Variants in RPN1 observed in about 807,000 individuals in gnomAD.
RPN1 encodes ribophorin I.
RPN1 carries 12 observed loss-of-function variants against 55.5 expected under a neutral mutation model. The ratio of observed to expected loss-of-function variants is 0.22; its 90% confidence interval spans 0.14 to 0.35. RPN1 has a LOEUF of 0.35. Among genes scored for constraint, RPN1 ranks in the 10% least tolerant of loss-of-function variants. The pLI is 1.00. For missense variants in RPN1, 679 were observed against 761.3 expected (o/e 0.89, Z 1.27); for synonymous variants, 317 against 305.9 (o/e 1.04, Z -0.38).
chr3:128,650,433 C>G (rs1406073431), intron 1 of RPN1, 107 bp downstream of exon 1: 2 of 1,168,870 alleles, frequency 1.7e-6, no homozygotes, highest in Admixed American at 2.9e-5. Flanking sequence ...CCGCCCGGGT[C>G]TCCGCATTTC....
intron 5 of RPN1, among the ~76,000 whole-genome samples, chr3:128,628,490 G>A (rs1161749423): frequency 1.2e-4 from 4 of 32,478 alleles, no homozygotes; most frequent in African/African-American, 2.4e-4. Flanking sequence ...TGTCACCCAG[G>A]CTAAAGGGCA....
rs1355424494 is a variant in RPN1, at chr3:128,635,662, T to TAG, written c.633+2136_633+2137insCT. On this transcript the variant is annotated intron_variant, in intron 3 of 9. Coordinates refer to ENST00000296255, the MANE Select transcript of RPN1 (RefSeq NM_002950.4). ...ATAGATATATATATATATATATATA[T>TAG]ATAGATATCTATAGATATCTATAGA... Among the ~76,000 whole-genome samples the TAG allele has an allele frequency of 5.5e-4, 61 of 110,188 alleles. 1 individual carries two copies. Among genetic ancestry groups the TAG allele is most frequent in the African/African-American group, 1.8e-3 (55 of 30,982 alleles). The allele number at this position is 110,188 out of a possible 152,430, so 72.3% of individuals were successfully genotyped here.
chr3:128,635,561 A>G (rs946895147), intron 3 of RPN1, among the ~76,000 whole-genome samples: 11 of 150,262 alleles, frequency 7.3e-5, no homozygotes, highest in African/African-American at 2.4e-4. Context: ...TCAGCCTCCC[A>G]AAGTGCTGGG....
intron 2 of RPN1, among the ~76,000 whole-genome samples, chr3:128,640,147 G>C (rs2069714456): frequency 6.6e-6 from 1 of 151,970 alleles, no homozygotes; most frequent in Admixed American, 6.6e-5. Context: ...ACTCCAGCCT[G>C]GGTGACGGAG....
At chr3:128,639,737 G>A (rs775818989) in intron 2 of RPN1, among the ~76,000 whole-genome samples, 100 of 151,556 alleles carry the variant, frequency 6.6e-4, no homozygotes, top group Non-Finnish European at 1.1e-3. Context: ...ACAGGCGTCC[G>A]CCACCACGCC....
intron 3 of RPN1, among the ~76,000 whole-genome samples, chr3:128,633,388 A>G (rs2069654985): frequency 6.6e-6 from 1 of 151,920 alleles, no homozygotes; most frequent in African/African-American, 2.4e-5. Context: ...CACCACGCCC[A>G]GCTAATTTTT....
chr3:128,637,854 C>A lies in RPN1; in HGVS notation c.578G>T (p.Arg193Leu), dbSNP rs199634162. 9.7e-5 allele frequency: 156 copies of A among 1,613,902 alleles called. 1 individual carries two copies. The South Asian group carries it at 1.7e-3, about 17-fold the overall frequency. The change falls in exon 3 of 10, where the codon CGC becomes CTC. Residue 193 changes from arginine to leucine, a missense_variant. By Grantham distance (102) the Arg-to-Leu change is moderately radical. Coordinates refer to ENST00000296255, the MANE Select transcript of RPN1 (RefSeq NM_002950.4). Reference protein sequence around the residue: ...ESYTKLGNPTRSEDLLDYGPF... With the variant: ...ESYTKLGNPTLSEDLLDYGPF... Reference sequence around the variant, plus strand: ...CCCATAATCCAGTAGGTCCTCAGAGCGCGTGGGGTTCCCCAGCTTGGTGTA... The same window carrying A: ...CCCATAATCCAGTAGGTCCTCAGAGAGCGTGGGGTTCCCCAGCTTGGTGTA...
chr3:128,649,363 G>A (rs2069796386), intron 1 of RPN1, among the ~76,000 whole-genome samples: 1 of 152,202 alleles, frequency 6.6e-6, no homozygotes, highest in African/African-American at 2.4e-5. Flanking sequence ...CTTCTATAAA[G>A]AACGGGATTT....
At chr3:128,637,178 C>T (rs1278511039) in intron 3 of RPN1, among the ~76,000 whole-genome samples, 1 of 151,924 alleles carries the variant, frequency 6.6e-6, no homozygotes, top group Non-Finnish European at 1.5e-5. Flanking sequence ...TTTGAGGTTA[C>T]AGTGAGCTAT....
intron 3 of RPN1, among the ~76,000 whole-genome samples, chr3:128,636,078 T>C (rs935213828): frequency 1.3e-5 from 2 of 152,120 alleles, no homozygotes. Flanking sequence ...TGTTTTCATA[T>C]TCAAAAAATT....
chr3:128,627,195 G>A (rs896101055), intron 5 of RPN1: 4 of 279,608 alleles, frequency 1.4e-5, no homozygotes, highest in African/African-American at 8.6e-5. Context: ...CTGAAACTCG[G>A]AGCAGTTGTG....
chr3:128,635,359 T>C (rs1265751750), intron 3 of RPN1, among the ~76,000 whole-genome samples: 10 of 151,738 alleles, frequency 6.6e-5, no homozygotes, highest in Admixed American at 5.9e-4. Flanking sequence ...TGGAGTGCAG[T>C]GGCACAACCT....
At chr3:128,624,740 G>A (rs922585494) in intron 8 of RPN1, among the ~76,000 whole-genome samples, 12 of 151,912 alleles carry the variant, frequency 7.9e-5, no homozygotes, top group African/African-American at 2.9e-4. Flanking sequence ...ACAGGAGGCT[G>A]AGGCAGAATC....
In RPN1 at chr3:128,625,575, T is replaced by C; in HGVS notation, c.1354A>G (p.Thr452Ala). The C allele has an allele frequency of 6.2e-7, 1 of 1,613,630 alleles. No homozygotes were observed. Residue 452 changes from threonine (T) to alanine (A), a missense_variant, in exon 8 of 10, where the codon ACC becomes GCC. This residue lies in a region of RPN1 where 306 missense variants were observed against 360.0 expected (regional missense o/e 0.85). Transcript: ENST00000296255. ...TCCAGCCGAACATAGATGATAACGG[T>C]GAAGAACAGGATGTAGAAGGCCGCC... The part of the protein sequence containing the change: ...VVAAFYILFF[T>A]VIIYVRLDFS...
At chr3:128,635,690 T>TAC (rs71153135) in intron 3 of RPN1, among the ~76,000 whole-genome samples, 1,560 of 138,212 alleles carry the variant, frequency 0.011, 21 homozygotes, top group Admixed American at 0.028. Context: ...TCTATAGATA[T>TAC]ACACACACAC....
Position 128,644,949 on chromosome 3 carries a change from T to A in RPN1, c.296A>T (p.Glu99Val). ...ACCCTTAATTTTGGTTTCACGTACT[T>A]CCAAATTGTTCTCTTCCTCATCTTC... is the stretch of plus-strand genomic sequence containing the variant. Reference protein sequence around the residue: ...KGEDEEENNLEVRETKIKGKS... With the variant: ...KGEDEEENNLVVRETKIKGKS... Residue 99 changes from glutamate (E) to valine (V), a missense_variant, in exon 2 of 10, where the codon GAA becomes GTA. This residue lies in a region of RPN1 where 352 missense variants were observed against 352.8 expected (regional missense o/e 1.00). Coordinates refer to ENST00000296255, the MANE Select transcript of RPN1 (RefSeq NM_002950.4). The A allele has an allele frequency of 6.3e-7, 1 of 1,577,974 alleles. No homozygotes were observed. Among genetic ancestry groups the A allele is most frequent in the Non-Finnish European group, 8.7e-7 (1 of 1,147,120 alleles).
At chr3:128,635,662 T>TATATAG (rs1559755887) in intron 3 of RPN1, among the ~76,000 whole-genome samples, 2 of 110,184 alleles carry the variant, frequency 1.8e-5, no homozygotes, top group African/African-American at 6.5e-5. Flanking sequence ...TATATATATA[T>TATATAG]ATAGATATCT....
chr3:128,649,624 T>C (rs1480876693), intron 1 of RPN1, among the ~76,000 whole-genome samples: 2 of 152,248 alleles, frequency 1.3e-5, no homozygotes, highest in East Asian at 1.9e-4. Flanking sequence ...AATCATTTAA[T>C]GAAATTGTTT....
chr3:128,628,538 C>T (rs2069618056), intron 5 of RPN1, among the ~76,000 whole-genome samples: 1 of 151,676 alleles, frequency 6.6e-6, no homozygotes, highest in Non-Finnish European at 1.5e-5. Flanking sequence ...CCTCAGCCTC[C>T]CGAGTAGCTG....
Sources: gnomAD v4.1 joint callset for allele counts (sites outside exome capture counted in the v4.1 genomes callset) on GRCh38, gnomAD v4.1.1 for gene constraint, gnomAD v4.1.1 regional missense constraint, MANE v1.5 for transcripts, NCBI Gene and HGNC (gene_info 2026-07-23, HGNC 2026-07-21) for gene names.